The following ZBTB45 variants were observed in gnomAD, a reference collection of about 807,000 sequenced individuals.
The protein encoded by ZBTB45 is zinc finger and BTB domain-containing protein 45.
ZBTB45 carries 22 observed loss-of-function variants against 28.4 expected under a neutral mutation model. The observed-to-expected ratio is 0.77, with a 90% CI of 0.55 to 1.10. The LOEUF is 1.10. Among genes scored for constraint, ZBTB45 ranks in the 50% least tolerant of loss-of-function variants. ZBTB45 has a pLI of 0.00. For missense variants in ZBTB45, 656 were observed against 750.2 expected (o/e 0.87, Z 1.47); for synonymous variants, 361 against 332.3 (o/e 1.09, Z -0.94).
rs148034788 is a variant in ZBTB45 at position 58,516,831 on chromosome 19, G to T, written c.843C>A (p.Asp281Glu). Residue 281 changes from aspartate to glutamate, a missense_variant, in exon 2 of 3, where the codon GAC becomes GAA. Coordinates refer to ENST00000594051, the MANE Select transcript of ZBTB45 (RefSeq NM_001316979.2). The surrounding 1 kb of genome is among the most constrained non-coding windows in gnomAD (Gnocchi z 6.2). ...TGGATACATAGCTGTCTGGAAATAC[G>T]TCCTCAGCTGACCCAGCTCCCCGAA... ...DFLRGAGSAE[D>E]VFPDSYVSTW... 1 of 1,613,676 alleles carries T rather than the reference G, an allele frequency of 6.2e-7. No homozygotes were observed. Among genetic ancestry groups the T allele is most frequent in the Non-Finnish European group, 8.5e-7 (1 of 1,180,018 alleles).
chr19:58,532,278 G>C (rs187842965), intron 1 of ZBTB45, among the ~76,000 whole-genome samples: 3 of 152,296 alleles, frequency 2.0e-5, no homozygotes, highest in Admixed American at 6.5e-5. Flanking sequence ...ATTAGGAAAA[G>C]GGGTATTTGT....
chr19:58,516,971 G>A lies in ZBTB45; in HGVS notation c.703C>T (p.Pro235Ser), dbSNP rs2053511373. Residue 235 changes from proline to serine, a missense_variant, in exon 2 of 3, where the codon CCT (proline) becomes TCT (serine). Transcript: ENST00000594051. This position sits in a 1 kb window ranked among gnomAD's most constrained non-coding sequence, Gnocchi z 6.2. ...GGGPGEGQAPPSFPDCAAGFL... is the reference protein window; with the variant it reads ...GGGPGEGQAPSSFPDCAAGFL... ...CCAGCAGCACAGTCTGGGAAGGAAGGAGGTGCCTGGCCCTCGCCTGGGCCG... is the reference window on the plus strand; with the variant it reads ...CCAGCAGCACAGTCTGGGAAGGAAGAAGGTGCCTGGCCCTCGCCTGGGCCG... 1 of 1,613,172 alleles carries A rather than the reference G, an allele frequency of 6.2e-7. No individual in the cohort carries two copies.
chr19:58,522,215 G>A (rs563395127), upstream of ZBTB45, among the ~76,000 whole-genome samples: 145 of 150,548 alleles, frequency 9.6e-4, no homozygotes, highest in African/African-American at 3.4e-3. Flanking sequence ...AGGCTGGAGC[G>A]CAATGGCGCG....
upstream of ZBTB45, among the ~76,000 whole-genome samples, chr19:58,524,435 ATGTGTG>A (rs56704623): frequency 9.8e-4 from 136 of 138,344 alleles, no homozygotes; most frequent in African/African-American, 2.4e-3. Flanking sequence ...GTGTTCATAT[ATGTGTG>A]TGTGTGTGTG....
intron 2 of ZBTB45, 152 bp from the exon 3 acceptor site, chr19:58,514,462 C>T: frequency 3.0e-6 from 3 of 1,014,756 alleles, no homozygotes; most frequent in Non-Finnish European, 4.2e-6. Flanking sequence ...ATCAGAGAAC[C>T]CTCCCCTCAC....
intron 1 of ZBTB45, among the ~76,000 whole-genome samples, chr19:58,518,857 G>A (rs888525228): frequency 6.6e-6 from 1 of 152,164 alleles, no homozygotes; most frequent in Admixed American, 6.5e-5. Flanking sequence ...CAAAGCCCCA[G>A]GGTGGGCTCG....
Position 58,516,449 on chromosome 19 carries a change from GAC to G in ZBTB45, c.1223_1224del (p.Cys408SerfsTer135). 3 of 1,614,008 alleles carry G rather than the reference GAC, an allele frequency of 1.9e-6. No homozygotes were observed. Among genetic ancestry groups the G allele is most frequent in the Non-Finnish European group, 2.5e-6 (3 of 1,179,892 alleles). On this transcript the variant is annotated frameshift_variant, in exon 2 of 3. Transcript: ENST00000594051. LOFTEE classifies it high-confidence loss of function. The surrounding 1 kb of genome is among the most constrained non-coding windows in gnomAD (Gnocchi z 6.2). ...TTTTTCCGGGAGCTGAACGTCTTGC[GAC>G]AGTGGCTGCACTCATACGTAGGTGG... ...AEPPTYECSH[C>X]RKTFSSRKNY... is the part of the protein sequence containing the mutation.
chr19:58,535,447 C>G (rs2053655428), intron 1 of ZBTB45, among the ~76,000 whole-genome samples: 1 of 151,826 alleles, frequency 6.6e-6, no homozygotes, highest in South Asian at 2.1e-4. Context: ...CCAGCCTGGC[C>G]AACATGGTGA....
At chr19:58,536,684 A>T (rs1164889743) in intron 1 of ZBTB45, among the ~76,000 whole-genome samples, 2 of 152,120 alleles carry the variant, frequency 1.3e-5, no homozygotes, top group African/African-American at 4.8e-5. Flanking sequence ...TGAGTGATGT[A>T]GCCACAATGC....
chr19:58,516,333 T>TC lies in ZBTB45; in HGVS notation c.1279+61dup. On this transcript the variant is annotated intron_variant, in intron 2 of 2. Coordinates refer to ENST00000594051, the MANE Select transcript of ZBTB45 (RefSeq NM_001316979.2). This position sits in a 1 kb window ranked among gnomAD's most constrained non-coding sequence, Gnocchi z 6.2. ...CAGTGCCCTGTAACTAGTGCTCAAT[T>TC]CCCCCTCAGGTTTAACTCTCCGATG... 1 of 1,596,922 alleles carries TC rather than the reference T, an allele frequency of 6.3e-7. No individual in the cohort carries two copies. The highest frequency in any genetic ancestry group is 8.6e-7 in the Non-Finnish European group (1 of 1,168,918).
chr19:58,513,830 C>A lies in ZBTB45; in HGVS notation c.*224G>T. ...GTCCAGTTCTCAGAAGTGGTCTAAC[C>A]AGCCCCAGCCCCAGCCCGGCACCAC... On this transcript the variant is annotated 3_prime_UTR_variant, in exon 3 of 3. Coordinates refer to ENST00000594051, the MANE Select transcript of ZBTB45 (RefSeq NM_001316979.2). The A allele has an allele frequency of 2.0e-6, 1 of 503,278 alleles. No individual in the cohort carries two copies. Among genetic ancestry groups the A allele is most frequent in the Non-Finnish European group, 3.2e-6 (1 of 312,008 alleles). The allele number at this position is 503,278 out of a possible 1,614,324, so 31.2% of individuals were successfully genotyped here. A position where few individuals can be genotyped will look rare whatever the true frequency, so the allele number is the denominator to read the frequency against.
chr19:58,534,714 G>A lies in ZBTB45; in HGVS notation c.-1+3987C>T, dbSNP rs143742595. 2.7e-3 allele frequency among the ~76,000 whole-genome samples: 415 copies of A among 151,762 alleles called. 1 individual carries two copies. Among genetic ancestry groups the A allele is most frequent in the African/African-American group, 9.5e-3 (392 of 41,316 alleles). On this transcript the variant is annotated intron_variant, in intron 1 of 1. Transcript: ENST00000600130. ...TGGGACTACAGGTGCCCGCCACCAC[G>A]CCTGGCTAATTTTTTGTATTTTTAG...
chr19:58,534,154 C>T (rs1434639632), intron 1 of ZBTB45, among the ~76,000 whole-genome samples: 2 of 151,980 alleles, frequency 1.3e-5, no homozygotes, highest in Non-Finnish European at 2.9e-5. Flanking sequence ...TAAGCCTCCA[C>T]CAAAAAGTTA....
upstream of ZBTB45, among the ~76,000 whole-genome samples, chr19:58,520,997 A>G (rs1010617328): frequency 3.0e-4 from 41 of 134,872 alleles, no homozygotes; most frequent in African/African-American, 1.2e-3. Context: ...GCTTGAAGTG[A>G]GCTGAGATCG....
chr19:58,533,033 T>C (rs1299459246), intron 1 of ZBTB45, among the ~76,000 whole-genome samples: 1 of 150,704 alleles, frequency 6.6e-6, no homozygotes, highest in Non-Finnish European at 1.5e-5. Context: ...ATGGGGTTTC[T>C]CCATGTTGAT....
intron 1 of ZBTB45, among the ~76,000 whole-genome samples, chr19:58,527,281 C>T (rs554079700): frequency 6.6e-6 from 1 of 152,278 alleles, no homozygotes; most frequent in East Asian, 1.9e-4. Flanking sequence ...TTCACACCTC[C>T]AGACACGAAC....
chr19:58,525,081 A>C (rs1600067146), intron 1 of ZBTB45, among the ~76,000 whole-genome samples: 1 of 152,018 alleles, frequency 6.6e-6, no homozygotes, highest in South Asian at 2.1e-4. Context: ...GAGAACAGAC[A>C]GCTCCCACCA....
rs745869802 is a variant in ZBTB45 at position 58,517,248 on chromosome 19, C to T, written c.426G>A (p.Pro142=). The T allele has an allele frequency of 2.7e-5, 42 of 1,551,208 alleles. No homozygotes were observed. The highest frequency in any genetic ancestry group is 6.9e-5 in the African/African-American group (5 of 72,730). ...APTPLPTPVP[P]PLAPAQLRHR... is the part of the protein sequence containing the mutation. The stretch of plus-strand genomic sequence containing the variant: ...GACGCAGCTGCGCAGGTGCGAGTGG[C>T]GGGGGCACAGGGGTGGGCAGGGGCG... Residue 142 remains proline, a synonymous_variant, in exon 2 of 3, where the codon CCG becomes CCA. Coordinates refer to ENST00000594051, the MANE Select transcript of ZBTB45 (RefSeq NM_001316979.2).
intron 1 of ZBTB45, among the ~76,000 whole-genome samples, chr19:58,518,721 A>G (rs781344815): frequency 1.3e-5 from 2 of 152,070 alleles, no homozygotes; most frequent in African/African-American, 4.8e-5. Flanking sequence ...CTATCAAACA[A>G]GGGATGAGAT....
Sources: allele counts gnomAD v4.1 joint callset (sites outside exome capture counted in the v4.1 genomes callset), GRCh38; gene constraint gnomAD v4.1.1; non-coding constraint Gnocchi (gnomAD v3.1); transcripts MANE v1.5; gene names NCBI Gene and HGNC (gene_info 2026-07-23, HGNC 2026-07-21).